DPP6: variants seen among roughly 807,000 people sequenced by gnomAD.
DPP6 encodes the protein dipeptidyl peptidase like 6, also known as A-type potassium channel modulatory protein DPP6.
DPP6 carries 69 observed loss-of-function variants against 122.6 expected under a neutral mutation model. That is an observed-to-expected ratio of 0.56 (90% CI 0.46 to 0.69). The LOEUF (loss-of-function observed/expected upper bound fraction) is 0.69. Among genes scored for constraint, DPP6 ranks in the 30% least tolerant of loss-of-function variants. The pLI is 0.00. For missense variants in DPP6, 928 were observed against 1,116.9 expected (o/e 0.83, Z 2.41); for synonymous variants, 418 against 433.1 (o/e 0.97, Z 0.43).
chr7:154,544,092 T>TTA (rs1052686711), intron 4 of DPP6, among the ~76,000 whole-genome samples: 112 of 147,358 alleles, frequency 7.6e-4, no homozygotes, highest in East Asian at 4.7e-3. Flanking sequence ...TTCTTTTGTT[T>TTA]TATATATATA....
chr7:154,268,820 C>A (rs1803599451), intron 1 of DPP6, among the ~76,000 whole-genome samples: 1 of 151,770 alleles, frequency 6.6e-6, no homozygotes, highest in East Asian at 1.9e-4. Context: ...TCTCAATAAC[C>A]TGATTTTTAA....
intron 4 of DPP6, among the ~76,000 whole-genome samples, chr7:154,561,461 A>T (rs1397639587): frequency 1.3e-5 from 2 of 152,260 alleles, no homozygotes; most frequent in Non-Finnish European, 2.9e-5. Flanking sequence ...ATGTATCTTG[A>T]TAATTGGAAA....
rs149135483 is a variant in DPP6 at position 154,881,078 on chromosome 7, G to T, written c.2133+136G>T. 326 of 1,344,976 alleles carry T rather than the reference G, an allele frequency of 2.4e-4. No individual in the cohort carries two copies. The African/African-American group carries it at 2.8e-3, about 12-fold the overall frequency. The allele number at this position is 1,344,976 out of a possible 1,614,324, so 83.3% of individuals were successfully genotyped here. A position where few individuals can be genotyped will look rare whatever the true frequency, so the allele number is the denominator to read the frequency against. On this transcript the variant is annotated intron_variant, in intron 21 of 25. Transcript: ENST00000377770. Reference sequence around the variant, plus strand: ...AGTAATTTTTTAAAATCAAGAGCCTGGGTGCTTAGTGATTCCAGCCGTGGG... The same window carrying T: ...AGTAATTTTTTAAAATCAAGAGCCTTGGTGCTTAGTGATTCCAGCCGTGGG...
At chr7:154,682,050 G>T (rs1377300800) in intron 7 of DPP6, among the ~76,000 whole-genome samples, 1 of 152,188 alleles carries the variant, frequency 6.6e-6, no homozygotes, top group Non-Finnish European at 1.5e-5. Context: ...AAAATTAAAT[G>T]TCAGATTTAT....
intron 5 of DPP6, among the ~76,000 whole-genome samples, chr7:154,635,962 A>G (rs11770391): frequency 0.055 from 8,325 of 152,226 alleles, 270 homozygotes; most frequent in Non-Finnish European, 0.07. Context: ...TATTCTGTTC[A>G]TGAGGGTCAC....
At position 154,637,931 on chromosome 7, in the gene DPP6, G is replaced by T. The variant is rs1219006129; in HGVS notation, c.680+58G>T. The T allele has an allele frequency of 8.5e-6, 13 of 1,526,950 alleles. No homozygotes were observed. The African/African-American group carries it at 1.5e-4, about 18-fold the overall frequency. 94.6% of individuals were successfully genotyped at this position (1,526,950 alleles called of 1,614,324 possible). A position where few individuals can be genotyped will look rare whatever the true frequency, so the allele number is the denominator to read the frequency against. The stretch of plus-strand genomic sequence containing the variant: ...AATATGCAGGGCAAAGTGAAGGGTA[G>T]AACATGGACGAGCTGTTTAACCCTT... On this transcript the variant is annotated intron_variant, in intron 6 of 25. Transcript: ENST00000377770.
At chr7:154,371,797 A>G (rs961783035) in intron 1 of DPP6, among the ~76,000 whole-genome samples, 4 of 152,060 alleles carry the variant, frequency 2.6e-5, no homozygotes, top group African/African-American at 9.7e-5. Context: ...CCTCTTTTCC[A>G]AACACCAAGC....
chr7:154,315,933 T>G (rs914741044), intron 1 of DPP6, among the ~76,000 whole-genome samples: 1 of 152,166 alleles, frequency 6.6e-6, no homozygotes, highest in Non-Finnish European at 1.5e-5. Context: ...ACACAAAACA[T>G]GCCACGTTAC....
At chr7:153,879,107 G>A in the DPP6 span, among the ~76,000 whole-genome samples, 1 of 152,198 alleles carries the variant, frequency 6.6e-6, no homozygotes, top group African/African-American at 2.4e-5. Context: ...GGGTTTAGCT[G>A]TGGAGAGTGT....
chr7:154,071,023 G>A (rs1275083419), intron 1 of DPP6, among the ~76,000 whole-genome samples: 3 of 152,104 alleles, frequency 2.0e-5, no homozygotes, highest in Non-Finnish European at 4.4e-5. Flanking sequence ...TCATGTATGT[G>A]CATGCATGCT....
chr7:154,062,367 C>T (rs372376989), intron 1 of DPP6, among the ~76,000 whole-genome samples: 33 of 14,194 alleles, frequency 2.3e-3, no homozygotes, highest in Admixed American at 4.8e-3. Flanking sequence ...AGAGCTATCC[C>T]CTCTTCCGCC....
chr7:154,857,124 A>G (rs1282764457), intron 17 of DPP6, among the ~76,000 whole-genome samples: 1 of 152,148 alleles, frequency 6.6e-6, no homozygotes, highest in Non-Finnish European at 1.5e-5. Flanking sequence ...CTGGCTGTCA[A>G]TGTAGTTCAA....
chr7:154,860,976 AGAT>A (rs10531726), intron 17 of DPP6, among the ~76,000 whole-genome samples: 46,168 of 151,992 alleles, frequency 0.3, 10,086 homozygotes, highest in African/African-American at 0.6. Context: ...AAATGTAAAA[AGAT>A]GATGAAGGAA....
rs188221330 is a variant in DPP6 at position 154,660,425 on chromosome 7, G to A, written c.681-8935G>A. 3.9e-3 allele frequency among the ~76,000 whole-genome samples: 580 copies of A among 149,948 alleles called. 10 individuals carry two copies. Among genetic ancestry groups the A allele is most frequent in the African/African-American group, 0.014 (556 of 39,516 alleles). On this transcript the variant is annotated intron_variant, in intron 6 of 25. Coordinates refer to ENST00000377770, the MANE Select transcript of DPP6 (RefSeq NM_130797.4). ...GCCGTAGTGTTCATATAGTCATGGTGAATCACCATGGCGTATTGGCCCTAG... is the reference window on the plus strand; with the variant it reads ...GCCGTAGTGTTCATATAGTCATGGTAAATCACCATGGCGTATTGGCCCTAG...
intron 7 of DPP6, among the ~76,000 whole-genome samples, chr7:154,710,318 T>C (rs901224493): frequency 2.0e-5 from 3 of 152,206 alleles, no homozygotes; most frequent in African/African-American, 7.2e-5. Context: ...ATGCAACTTA[T>C]CATAAATAAT....
Position 154,334,494 on chromosome 7 carries a change from G to A in DPP6, c.244-111720G>A, listed in dbSNP as rs1258141275. 5.9e-5 allele frequency among the ~76,000 whole-genome samples: 9 copies of A among 152,306 alleles called. No individual in the cohort carries two copies. In the East Asian group the frequency reaches 1.4e-3, roughly 23 times the overall value. On this transcript the variant is annotated intron_variant, in intron 1 of 25. Coordinates refer to ENST00000377770, the MANE Select transcript of DPP6 (RefSeq NM_130797.4). ...ATCAATGGCAAGCGGCACTGGCTGC[G>A]TGGAAAAGCCAAGATGCCTTTCACC...
chr7:154,653,305 G>C (rs915496738), intron 6 of DPP6, among the ~76,000 whole-genome samples: 2 of 152,162 alleles, frequency 1.3e-5, no homozygotes, highest in African/African-American at 4.8e-5. Flanking sequence ...AGAGAGCTAT[G>C]ATTGTGCCAA....
rs115291289 is a variant in DPP6, at chr7:153,954,892, G to A, written c.51+67158G>A. ...TAAATGCATATATCCTCTTGGTTCT[G>A]TTCTTGGGAGAATGCTGATTCGTGC... On this transcript the variant is annotated intron_variant, in intron 1 of 25. Coordinates refer to the DPP6 transcript ENST00000404039. 3.9e-3 allele frequency among the ~76,000 whole-genome samples: 590 copies of A among 150,422 alleles called. 5 individuals carry two copies. The highest frequency in any genetic ancestry group is 0.014 in the African/African-American group (558 of 40,630).
chr7:154,701,124 C>G (rs1273077871), intron 7 of DPP6, among the ~76,000 whole-genome samples: 1 of 152,176 alleles, frequency 6.6e-6, no homozygotes, highest in Admixed American at 6.5e-5. Flanking sequence ...CCTCCAGGAT[C>G]CTCCTGGAGT....
Sources: allele counts gnomAD v4.1 joint callset (sites outside exome capture counted in the v4.1 genomes callset), GRCh38; gene constraint gnomAD v4.1.1; transcripts MANE v1.5; gene names NCBI Gene and HGNC (gene_info 2026-07-23, HGNC 2026-07-21).